ADIPOR2: variants seen among roughly 807,000 people sequenced by gnomAD.
The protein encoded by ADIPOR2 is adiponectin receptor protein 2.
ADIPOR2 carries 18 observed loss-of-function variants against 40.9 expected under a neutral mutation model. The ratio of observed to expected loss-of-function variants is 0.44; its 90% CI spans 0.30 to 0.65. ADIPOR2 has a LOEUF of 0.65. Ranked by LOEUF, ADIPOR2 falls within the 30% of genes least tolerant of loss-of-function variation. ADIPOR2 has a pLI of 0.09. For missense variants in ADIPOR2, 283 were observed against 479.2 expected (o/e 0.59, Z 3.82); for synonymous variants, 165 against 166.4 (o/e 0.99, Z 0.06).
At chr12:1,754,562 A>T (rs11061971) in intron 2 of ADIPOR2, 48 bp downstream of exon 2, 739,308 of 1,544,186 alleles carry the variant, frequency 0.48, 181,078 homozygotes, top group African/African-American at 0.69. Context: ...ATGTGGAGGA[A>T]GTGGCAGAGG....
chr12:1,780,768 G>A, intron 5 of ADIPOR2, 121 bp from the exon 6 acceptor site: 1 of 1,360,474 alleles, frequency 7.4e-7, no homozygotes, highest in Non-Finnish European at 9.8e-7. Context: ...AAATTAAAGA[G>A]CAACCCAGTT....
At chr12:1,735,436 C>T (rs1178704055) in intron 1 of ADIPOR2, among the ~76,000 whole-genome samples, 14 of 152,146 alleles carry the variant, frequency 9.2e-5, no homozygotes, top group Admixed American at 6.5e-4. Flanking sequence ...GATTTTTGCA[C>T]GTTGATTTTG....
intron 1 of ADIPOR2, among the ~76,000 whole-genome samples, chr12:1,694,721 A>G (rs370782668): frequency 3.9e-5 from 6 of 152,218 alleles, no homozygotes; most frequent in African/African-American, 1.4e-4. Context: ...CAGGGGCAAC[A>G]GTTTGATATA....
At chr12:1,777,382 C>CTTTTT (rs59141974) in intron 3 of ADIPOR2, among the ~76,000 whole-genome samples, 62 of 98,718 alleles carry the variant, frequency 6.3e-4, no homozygotes, top group East Asian at 3.4e-3. Context: ...TTTTTTCTTT[C>CTTTTT]TTTTTTTTTT....
intron 1 of ADIPOR2, among the ~76,000 whole-genome samples, chr12:1,723,405 G>A (rs1355727535): frequency 6.6e-6 from 1 of 150,708 alleles, no homozygotes; most frequent in Non-Finnish European, 1.5e-5. Flanking sequence ...TGAGGCAGGT[G>A]GATCACCTGA....
intron 2 of ADIPOR2, among the ~76,000 whole-genome samples, chr12:1,768,407 C>G (rs1195430871): frequency 2.6e-5 from 4 of 152,144 alleles, no homozygotes; most frequent in Admixed American, 2.6e-4. Flanking sequence ...TGCAGGCTTT[C>G]CTGAGCCTCA....
rs544733946 is a variant in ADIPOR2 at position 1,737,102 on chromosome 12, G to C, written c.-86-17156G>C. Among the ~76,000 whole-genome samples, 9 of 152,328 alleles carry C rather than the reference G, an allele frequency of 5.9e-5. No individual in the cohort carries two copies. In the South Asian group the frequency reaches 1.9e-3, roughly 32 times the overall value. Reference sequence around the variant, plus strand: ...CCTTGAATTCTTCAGTTGCAGAAATGAGGTGTTGAATCCTTCAGGTTGTTA... The same window carrying C: ...CCTTGAATTCTTCAGTTGCAGAAATCAGGTGTTGAATCCTTCAGGTTGTTA... On this transcript the variant is annotated intron_variant, in intron 1 of 7. Transcript: ENST00000357103.
intron 7 of ADIPOR2, among the ~76,000 whole-genome samples, chr12:1,785,296 C>T (rs932089141): frequency 6.6e-6 from 1 of 152,194 alleles, no homozygotes; most frequent in African/African-American, 2.4e-5. Flanking sequence ...GAAATAATGT[C>T]ACTTGCTTGT....
rs560138885 is a variant in ADIPOR2 at position 1,704,385 on chromosome 12, A to G, written c.-87+13194A>G. Among the ~76,000 whole-genome samples, 3 of 152,278 alleles carry G rather than the reference A, an allele frequency of 2.0e-5. No homozygotes were observed. In the East Asian group the frequency reaches 5.8e-4, roughly 29 times the overall value. On this transcript the variant is annotated intron_variant, in intron 1 of 7. Coordinates refer to ENST00000357103, the MANE Select transcript of ADIPOR2 (RefSeq NM_024551.3). ...ACATGTCATTTCTCTTACTATTTAA[A>G]TGGAAATTAGATTGCACTTTCTTTC...
At chr12:1,719,741 C>T (rs543188958) in intron 1 of ADIPOR2, among the ~76,000 whole-genome samples, 74 of 150,648 alleles carry the variant, frequency 4.9e-4, no homozygotes, top group Admixed American at 1.2e-3. Context: ...GTGGTGCAGT[C>T]TCAGCTCACT....
At chr12:1,736,640 C>A (rs1223209657) in intron 1 of ADIPOR2, among the ~76,000 whole-genome samples, 1 of 152,070 alleles carries the variant, frequency 6.6e-6, no homozygotes, top group Non-Finnish European at 1.5e-5. Flanking sequence ...TTAGTTATTT[C>A]TTGTTTTCTG....
chr12:1,767,269 C>CAAAAAAAAAAAAAAAAAAAAAAAAAAAAA (rs61401998), intron 2 of ADIPOR2, among the ~76,000 whole-genome samples: 2 of 87,468 alleles, frequency 2.3e-5, no homozygotes, highest in Non-Finnish European at 2.3e-5. Flanking sequence ...AAGACTTCGT[C>CAAAAAAAAAAAAAAAAAAAAAAAAAAAAA]AAAAAAAAAA....
chr12:1,695,108 C>T (rs899804017), intron 1 of ADIPOR2, among the ~76,000 whole-genome samples: 5 of 151,572 alleles, frequency 3.3e-5, no homozygotes, highest in South Asian at 4.2e-4. Context: ...CTCGACCTCC[C>T]GGGCTCAAGC....
chr12:1,734,244 C>G (rs10848565), intron 1 of ADIPOR2, among the ~76,000 whole-genome samples: 59,716 of 152,000 alleles, frequency 0.39, 13,855 homozygotes, highest in Non-Finnish European at 0.53. Context: ...AAAAGTGTTC[C>G]TATTTCTCCA....
intron 1 of ADIPOR2, among the ~76,000 whole-genome samples, chr12:1,714,993 C>T (rs139839070): frequency 2.6e-5 from 4 of 152,062 alleles, no homozygotes; most frequent in African/African-American, 7.2e-5. Context: ...AATTCCCCTC[C>T]CCCTACAGCT....
intron 1 of ADIPOR2, among the ~76,000 whole-genome samples, chr12:1,708,098 A>G (rs1419694101): frequency 1.3e-5 from 2 of 152,172 alleles, no homozygotes; most frequent in Admixed American, 1.3e-4. Flanking sequence ...TATAACAGCT[A>G]TTTATATAGC....
At chr12:1,716,965 G>A (rs2094688832) in intron 1 of ADIPOR2, among the ~76,000 whole-genome samples, 2 of 152,162 alleles carry the variant, frequency 1.3e-5, no homozygotes, top group Non-Finnish European at 2.9e-5. Flanking sequence ...ACCAAATACA[G>A]CAAGAAAAAC....
At position 1,747,535 on chromosome 12, in the gene ADIPOR2, C is replaced by G. The variant is rs181419689; in HGVS notation, c.-86-6723C>G. ...TTTTGTTGGGCGGTGGTGGGTGGTACGTGGATTTGAATTGCTGTTTGAGGT... is the reference window on the plus strand; with the variant it reads ...TTTTGTTGGGCGGTGGTGGGTGGTAGGTGGATTTGAATTGCTGTTTGAGGT... On this transcript the variant is annotated intron_variant, in intron 1 of 7. Coordinates refer to ENST00000357103, the MANE Select transcript of ADIPOR2 (RefSeq NM_024551.3). 2.1e-3 allele frequency among the ~76,000 whole-genome samples: 321 copies of G among 152,154 alleles called. 1 individual carries two copies. The Middle Eastern group carries it at 0.027, about 13-fold the overall frequency.
intron 1 of ADIPOR2, among the ~76,000 whole-genome samples, chr12:1,727,670 C>T (rs541050713): frequency 1.3e-5 from 2 of 152,082 alleles, no homozygotes; most frequent in African/African-American, 2.4e-5. Flanking sequence ...GCTGCCCCTC[C>T]CTCCCAGAAT....
Sources: gnomAD v4.1 joint callset for allele counts (sites outside exome capture counted in the v4.1 genomes callset) on GRCh38, gnomAD v4.1.1 for gene constraint, MANE v1.5 for transcripts, NCBI Gene and HGNC (gene_info 2026-07-23, HGNC 2026-07-21) for gene names.